Variants in CLIC5 observed in about 807,000 individuals in gnomAD.
CLIC5 encodes chloride intracellular channel protein 5.
CLIC5 carries 20 observed loss-of-function variants against 24.7 expected under a neutral mutation model. The observed-to-expected ratio is 0.81, with a 90% CI of 0.57 to 1.18. The LOEUF (loss-of-function observed/expected upper bound fraction) is 1.18. CLIC5 is among the 50% of genes most tolerant of loss of function. CLIC5 has a pLI of 0.00. For synonymous variants in CLIC5, 159 were observed against 135.6 expected, an observed-to-expected ratio of 1.17 and a Z score of -1.20; for missense variants, 341 against 326.1, an observed-to-expected ratio of 1.05 and a Z score of -0.35.
At chr6:46,021,105 A>C (rs1389549306) in intron 1 of CLIC5, among the ~76,000 whole-genome samples, 1 of 151,478 alleles carries the variant, frequency 6.6e-6, no homozygotes, top group East Asian at 1.9e-4. Flanking sequence ...AAAAAAAAAA[A>C]AAAACCCAGC....
chr6:46,103,224 A>G, the CLIC5 span, among the ~76,000 whole-genome samples: 1 of 152,220 alleles, frequency 6.6e-6, no homozygotes, highest in East Asian at 1.9e-4. Context: ...AAAATTATAT[A>G]TAACCTTTCC....
intron 1 of CLIC5, among the ~76,000 whole-genome samples, chr6:46,012,825 G>A (rs1025058353): frequency 2.0e-5 from 3 of 152,284 alleles, no homozygotes; most frequent in East Asian, 3.9e-4. Flanking sequence ...CTCTGACAGC[G>A]AGTCTCATAA....
At chr6:46,116,601 G>A in the CLIC5 span, among the ~76,000 whole-genome samples, 1 of 152,174 alleles carries the variant, frequency 6.6e-6, no homozygotes. Context: ...CTATCATTAT[G>A]ACCAGAAAAA....
intron 4 of CLIC5, chr6:45,920,335 C>T (rs2127325566): frequency 5.1e-6 from 5 of 971,574 alleles, no homozygotes; most frequent in African/African-American, 3.5e-5. Context: ...AACATCTGGT[C>T]AAAAAGTGAG....
At chr6:45,908,210 T>C (rs1236528482) in intron 5 of CLIC5, among the ~76,000 whole-genome samples, 3 of 152,282 alleles carry the variant, frequency 2.0e-5, no homozygotes, top group African/African-American at 7.2e-5. Context: ...TCTTTATCCT[T>C]TCAAAAAACC....
chr6:45,937,903 C>A (rs757638716), intron 4 of CLIC5, among the ~76,000 whole-genome samples: 1 of 152,052 alleles, frequency 6.6e-6, no homozygotes, highest in Non-Finnish European at 1.5e-5. Flanking sequence ...GGTGACCCAC[C>A]ATGGAGAACC....
At chr6:45,982,774 G>T (rs1320582103) in intron 1 of CLIC5, among the ~76,000 whole-genome samples, 1 of 152,204 alleles carries the variant, frequency 6.6e-6, no homozygotes, top group Admixed American at 6.5e-5. Flanking sequence ...AACTCTGTTT[G>T]TCTCAGATTG....
At chr6:46,012,461 C>T (rs556048565) in intron 1 of CLIC5, among the ~76,000 whole-genome samples, 2 of 152,246 alleles carry the variant, frequency 1.3e-5, no homozygotes, top group South Asian at 2.1e-4. Context: ...GAATGTTCCC[C>T]GAAAGGGAAA....
intron 4 of CLIC5, among the ~76,000 whole-genome samples, chr6:45,934,515 G>A (rs3777572): frequency 0.43 from 66,010 of 152,032 alleles, 15,397 homozygotes; most frequent in East Asian, 0.66. Flanking sequence ...AGGTCGCCTG[G>A]GAGGCCTGAG....
chr6:45,950,068 T>G (rs191697784), intron 2 of CLIC5, among the ~76,000 whole-genome samples: 1 of 152,280 alleles, frequency 6.6e-6, no homozygotes, highest in Non-Finnish European at 1.5e-5. Context: ...AGTCTTCTTA[T>G]TGCTAAGATT....
chr6:46,100,466 A>G, the CLIC5 span, among the ~76,000 whole-genome samples: 1 of 152,104 alleles, frequency 6.6e-6, no homozygotes, highest in Non-Finnish European at 1.5e-5. Flanking sequence ...ATGGCTGATG[A>G]CGCTGTCCGC....
intron 6 of CLIC5, among the ~76,000 whole-genome samples, chr6:45,888,366 C>T (rs570284041): frequency 6.6e-6 from 1 of 152,140 alleles, no homozygotes; most frequent in Non-Finnish European, 1.5e-5. Flanking sequence ...AATCTGGTAA[C>T]TATTATTTCT....
chr6:45,961,729 G>A (rs1581795347), intron 1 of CLIC5, among the ~76,000 whole-genome samples: 1 of 152,108 alleles, frequency 6.6e-6, no homozygotes, highest in Admixed American at 6.5e-5. Flanking sequence ...ATGGGACTTG[G>A]TGGTACGTGG....
chr6:45,993,164 G>A (rs893777270), intron 1 of CLIC5, among the ~76,000 whole-genome samples: 1 of 152,192 alleles, frequency 6.6e-6, no homozygotes, highest in Admixed American at 6.5e-5. Context: ...CTTCAGAGAT[G>A]GGGGAGATTT....
chr6:45,914,324 A>G lies in CLIC5; in HGVS notation c.492T>C (p.Thr164=). The change falls in exon 5 of 6, where the codon ACT becomes ACC. Residue 164 remains threonine, a synonymous_variant. Coordinates refer to ENST00000339561, the MANE Select transcript of CLIC5 (RefSeq NM_016929.5). ...TPLPEEIDAN[T]CGEDKGSRRK... ...GCCGGGACCCCTTGTCTTCCCCACA[A>G]GTGTTGGCGTCAATCTCCTCTGGTA... 1 of 1,609,722 alleles carries G rather than the reference A, an allele frequency of 6.2e-7. No homozygotes were observed. The highest frequency in any genetic ancestry group is 1.1e-5 in the South Asian group (1 of 90,408).
the CLIC5 span, among the ~76,000 whole-genome samples, chr6:46,115,995 A>G: frequency 6.6e-6 from 1 of 152,166 alleles, no homozygotes; most frequent in Non-Finnish European, 1.5e-5. Context: ...AACTCATGCT[A>G]TTTTTTATCC....
At chr6:46,070,369 G>A (rs1654294006) in intron 1 of CLIC5, among the ~76,000 whole-genome samples, 1 of 152,144 alleles carries the variant, frequency 6.6e-6, no homozygotes, top group South Asian at 2.1e-4. Flanking sequence ...AGCAACTTCA[G>A]TGAAGTTTCA....
chr6:45,965,326 C>T (rs537631978), intron 1 of CLIC5, among the ~76,000 whole-genome samples: 1 of 152,280 alleles, frequency 6.6e-6, no homozygotes, highest in African/African-American at 2.4e-5. Context: ...GCAACACCCT[C>T]CAACCAAACA....
chr6:45,923,118 A>G (rs187052760), intron 4 of CLIC5, among the ~76,000 whole-genome samples: 1 of 152,344 alleles, frequency 6.6e-6, no homozygotes, highest in East Asian at 1.9e-4. Context: ...GTGCTAATAG[A>G]AAGTACGGCA....
Sources: gnomAD v4.1 joint callset for allele counts (sites outside exome capture counted in the v4.1 genomes callset) on GRCh38, gnomAD v4.1.1 for gene constraint, MANE v1.5 for transcripts, NCBI Gene and HGNC (gene_info 2026-07-23, HGNC 2026-07-21) for gene names.